The following GLP2R variants were observed in gnomAD, a reference collection of about 807,000 sequenced individuals.
The protein encoded by GLP2R is glucagon like peptide 2 receptor, also known as glucagon-like peptide 2 receptor.
GLP2R carries 59 observed loss-of-function variants against 68.2 expected under a neutral mutation model. The ratio of observed to expected loss-of-function variants is 0.87; its 90% CI spans 0.70 to 1.07. The LOEUF is 1.07. Ranked by LOEUF, GLP2R falls within the 50% of genes least tolerant of loss-of-function variation. GLP2R has a pLI of 0.00. For missense variants in GLP2R, 548 were observed against 677.4 expected (o/e 0.81, Z 2.12); for synonymous variants, 270 against 265.4 (o/e 1.02, Z -0.17).
At chr17:9,844,917 C>A (rs2066823647) in intron 4 of GLP2R, among the ~76,000 whole-genome samples, 1 of 151,038 alleles carries the variant, frequency 6.6e-6, no homozygotes, top group South Asian at 2.1e-4. Flanking sequence ...TCTCGAACTC[C>A]TGACCTCAGG....
chr17:9,888,806 A>G (rs1415561324), intron 12 of GLP2R, among the ~76,000 whole-genome samples: 10 of 152,124 alleles, frequency 6.6e-5, no homozygotes, highest in South Asian at 2.1e-4. Flanking sequence ...GCATAGCCCA[A>G]CCAGCTCTCT....
intron 2 of GLP2R, among the ~76,000 whole-genome samples, chr17:9,835,255 C>G (rs2066716619): frequency 6.6e-6 from 1 of 152,084 alleles, no homozygotes; most frequent in African/African-American, 2.4e-5. Context: ...TCTCGATCCC[C>G]TGACCTCGTG....
intron 4 of GLP2R, among the ~76,000 whole-genome samples, chr17:9,844,925 A>G (rs1335224137): frequency 1.3e-5 from 2 of 151,392 alleles, no homozygotes; most frequent in African/African-American, 4.9e-5. Context: ...TCCTGACCTC[A>G]GGTGATCCAC....
intron 4 of GLP2R, among the ~76,000 whole-genome samples, chr17:9,847,856 T>C (rs1448263526): frequency 6.6e-6 from 1 of 152,132 alleles, no homozygotes; most frequent in African/African-American, 2.4e-5. Context: ...CTTAAGTGTA[T>C]CCTAATCTTC....
chr17:9,860,117 T>A lies in GLP2R; in HGVS notation c.925+16T>A, dbSNP rs1483464552. On this transcript the variant is annotated intron_variant, in intron 7 of 12. Transcript: ENST00000262441. ...TTGGGTTGGGGTGAGTGACCTGACC[T>A]TCAGCTTCCTTTCCTGGGGATCCAT... 3.2e-6 allele frequency: 5 copies of A among 1,564,246 alleles called. No homozygotes were observed. Among genetic ancestry groups the A allele is most frequent in the Non-Finnish European group, 4.3e-6 (5 of 1,152,948 alleles).
chr17:9,886,839 AC>A (rs1222092746), intron 11 of GLP2R, among the ~76,000 whole-genome samples: 2 of 152,216 alleles, frequency 1.3e-5, no homozygotes, highest in African/African-American at 4.8e-5. Context: ...TCAGCCTGCC[AC>A]TGGGACCTTC....
intron 1 of GLP2R, among the ~76,000 whole-genome samples, chr17:9,830,626 G>A (rs898816705): frequency 2.8e-4 from 43 of 152,248 alleles, no homozygotes; most frequent in African/African-American, 1.0e-3. Context: ...ATACCCCAGG[G>A]CACCACTGTG....
At chr17:9,838,269 T>C (rs1187273746) in intron 3 of GLP2R, among the ~76,000 whole-genome samples, 1 of 152,194 alleles carries the variant, frequency 6.6e-6, no homozygotes, top group Non-Finnish European at 1.5e-5. Flanking sequence ...CACAGCCCCC[T>C]GAGCTTCCAC....
At chr17:9,839,413 C>G (rs1405084559) in intron 3 of GLP2R, among the ~76,000 whole-genome samples, 2 of 152,086 alleles carry the variant, frequency 1.3e-5, no homozygotes, top group Non-Finnish European at 2.9e-5. Flanking sequence ...TCCTCCTCCT[C>G]CTTCTCCGCC....
chr17:9,887,271 T>C (rs959283900), intron 11 of GLP2R, among the ~76,000 whole-genome samples: 1 of 150,408 alleles, frequency 6.6e-6, no homozygotes, highest in Non-Finnish European at 1.5e-5. Context: ...CTCATGCCTG[T>C]AATCCCTGTA....
intron 3 of GLP2R, among the ~76,000 whole-genome samples, chr17:9,838,168 T>G (rs1232888104): frequency 6.6e-6 from 1 of 152,186 alleles, no homozygotes; most frequent in Middle Eastern, 3.4e-3. Context: ...AGCAGCTCAG[T>G]GAGGGAAAAG....
intron 10 of GLP2R, among the ~76,000 whole-genome samples, chr17:9,875,672 A>T (rs377393460): frequency 6.6e-6 from 1 of 152,152 alleles, no homozygotes; most frequent in African/African-American, 2.4e-5. Flanking sequence ...AGTGTGAAGG[A>T]GGAACTTTGG....
At chr17:9,826,328 ATG>A in intron 1 of GLP2R, 76 bp downstream of exon 1, 1 of 946,336 alleles carries the variant, frequency 1.1e-6, no homozygotes, top group African/African-American at 3.0e-5. Context: ...TTTAGGCCTC[ATG>A]TAAGCAATTT....
intron 6 of GLP2R, among the ~76,000 whole-genome samples, chr17:9,857,901 C>A (rs575673353): frequency 6.6e-6 from 1 of 152,292 alleles, no homozygotes; most frequent in East Asian, 1.9e-4. Context: ...GTTCTGCATT[C>A]ATGAATTTAA....
At chr17:9,839,840 G>A (rs545709765) in intron 3 of GLP2R, among the ~76,000 whole-genome samples, 1 of 152,218 alleles carries the variant, frequency 6.6e-6, no homozygotes. Context: ...ACCTGCCCAG[G>A]AGGCCTCCTC....
chr17:9,840,216 C>T (rs955427110), intron 3 of GLP2R, among the ~76,000 whole-genome samples: 26 of 152,194 alleles, frequency 1.7e-4, no homozygotes, highest in Non-Finnish European at 3.8e-4. Context: ...ACCTCGTGAA[C>T]CTCCCGCCTT....
chr17:9,832,639 G>A (rs1405050485), intron 1 of GLP2R, among the ~76,000 whole-genome samples: 8 of 152,200 alleles, frequency 5.3e-5, no homozygotes, highest in East Asian at 1.9e-4. Flanking sequence ...GCTGAGGTGC[G>A]AGGATCACTT....
intron 6 of GLP2R, among the ~76,000 whole-genome samples, chr17:9,858,352 A>T (rs923764436): frequency 6.6e-5 from 10 of 152,218 alleles, no homozygotes; most frequent in Non-Finnish European, 4.4e-5. Flanking sequence ...CTAGGTTTTG[A>T]CATATTATTT....
Position 9,890,092 on chromosome 17 carries a change from GT to G in GLP2R, c.*388del, listed in dbSNP as rs1168621623. ...CTTTCCATCTGAGGTTGGGTTTAGG[GT>G]GCGTGAAAACCTCCTAGGAAGCTTT... On this transcript the variant is annotated 3_prime_UTR_variant, in exon 13 of 13. Transcript: ENST00000262441. The G allele has an allele frequency of 6.5e-6, 3 of 459,374 alleles. No homozygotes were observed. The highest frequency in any genetic ancestry group is 6.0e-5 in the African/African-American group (3 of 50,146). The allele number at this position is 459,374 out of a possible 1,614,324, so 28.5% of individuals were successfully genotyped here. A position where few individuals can be genotyped will look rare whatever the true frequency, so the allele number is the denominator to read the frequency against.
Sources: gnomAD v4.1 joint callset for allele counts (sites outside exome capture counted in the v4.1 genomes callset) on GRCh38, gnomAD v4.1.1 for gene constraint, MANE v1.5 for transcripts, NCBI Gene and HGNC (gene_info 2026-07-23, HGNC 2026-07-21) for gene names.